Variants in VAMP4 observed in about 807,000 individuals in gnomAD.
VAMP4 encodes vesicle associated membrane protein 4.
A neutral mutation model predicts 23.5 loss-of-function variants in VAMP4; 19 were observed. The ratio of observed to expected loss-of-function variants is 0.81; its 90% CI spans 0.56 to 1.19. The LOEUF is 1.19. VAMP4 is among the 50% of genes most tolerant of loss of function. The pLI is 0.00. For missense variants in VAMP4, 145 were observed against 168.6 expected (o/e 0.86, Z 0.78); for synonymous variants, 31 against 51.0 (o/e 0.61, Z 1.67).
At chr1:171,706,511 A>C (rs1654657319) in intron 6 of VAMP4, 93 bp from the exon 7 acceptor site, 1 of 1,224,412 alleles carries the variant, frequency 8.2e-7, no homozygotes, top group Admixed American at 2.4e-5. Context: ...ATACTAAATC[A>C]TCTCATCACC....
At chr1:171,714,157 C>T (rs1180711210) in intron 4 of VAMP4, among the ~76,000 whole-genome samples, 1 of 152,076 alleles carries the variant, frequency 6.6e-6, no homozygotes, top group African/African-American at 2.4e-5. Flanking sequence ...AGGATGTTTC[C>T]CTACCCAGAA....
At chr1:171,738,284 T>C (rs1332803657) in intron 2 of VAMP4, 65 bp downstream of exon 2, 2 of 1,584,846 alleles carry the variant, frequency 1.3e-6, no homozygotes, top group Admixed American at 1.7e-5. Flanking sequence ...TCTTCTATTA[T>C]TCACAAAGGG....
intron 3 of VAMP4, among the ~76,000 whole-genome samples, chr1:171,721,934 C>A (rs6665590): frequency 0.16 from 24,744 of 152,004 alleles, 2,457 homozygotes; most frequent in African/African-American, 0.28. Context: ...CAAAAAAGAG[C>A]CCACATTGCC....
intron 4 of VAMP4, among the ~76,000 whole-genome samples, chr1:171,712,441 A>C (rs1378859504): frequency 6.6e-6 from 1 of 152,198 alleles, no homozygotes; most frequent in African/African-American, 2.4e-5. Context: ...TGGATTCAGA[A>C]GTACTCTCAG....
At chr1:171,741,552 G>A (rs1473932898) in intron 1 of VAMP4, among the ~76,000 whole-genome samples, 2 of 143,306 alleles carry the variant, frequency 1.4e-5, no homozygotes, top group African/African-American at 5.3e-5. Context: ...CGATATATCT[G>A]CTCCTAACGC....
chr1:171,722,616 A>C (rs1655231263), intron 3 of VAMP4, among the ~76,000 whole-genome samples: 1 of 152,222 alleles, frequency 6.6e-6, no homozygotes. Flanking sequence ...GACACTTCTC[A>C]AAAGAAGACA....
chr1:171,706,265 T>C, intron 7 of VAMP4, 102 bp downstream of exon 7: 1 of 1,100,340 alleles, frequency 9.1e-7, no homozygotes, highest in South Asian at 1.6e-5. Context: ...CATTATTCAA[T>C]CCTGACTTCA....
At chr1:171,735,185 A>G (rs1375666254) in intron 2 of VAMP4, among the ~76,000 whole-genome samples, 1 of 152,244 alleles carries the variant, frequency 6.6e-6, no homozygotes, top group Admixed American at 6.5e-5. Context: ...CATTAAGTGA[A>G]CAACAAATTT....
At chr1:171,738,709 G>T (rs573010341) in intron 1 of VAMP4, among the ~76,000 whole-genome samples, 101 of 152,324 alleles carry the variant, frequency 6.6e-4, no homozygotes, top group African/African-American at 2.2e-3. Context: ...GGATATGAGT[G>T]ATTTAAGATT....
intron 2 of VAMP4, among the ~76,000 whole-genome samples, chr1:171,732,566 C>T (rs981123186): frequency 6.6e-6 from 1 of 152,016 alleles, no homozygotes; most frequent in Non-Finnish European, 1.5e-5. Flanking sequence ...AAAAAACATC[C>T]TTCTCATTAA....
chr1:171,706,222 A>C, intron 7 of VAMP4, 145 bp downstream of exon 7: 3 of 603,870 alleles, frequency 5.0e-6, no homozygotes, highest in Non-Finnish European at 8.3e-6. Flanking sequence ...AGAGATCAAT[A>C]GATTCTAAGA....
chr1:171,735,125 AT>A (rs1476451505), intron 2 of VAMP4, among the ~76,000 whole-genome samples: 1 of 152,166 alleles, frequency 6.6e-6, no homozygotes, highest in Admixed American at 6.5e-5. Context: ...CCTGGACTTG[AT>A]TTTTAAAAAG....
chr1:171,710,818 GT>G lies in VAMP4; in HGVS notation c.165-5del, dbSNP rs1654825462. 1 of 1,575,486 alleles carries G rather than the reference GT, an allele frequency of 6.3e-7. No homozygotes were observed. The highest frequency in any genetic ancestry group is 8.6e-7 in the Non-Finnish European group (1 of 1,157,504). Reference sequence around the variant, plus strand: ...TTCATCCACTTGATTCTGAACACTAGTTTAAAAAAGATACACAATTATTTAT... The same window carrying G: ...TTCATCCACTTGATTCTGAACACTAGTTAAAAAAGATACACAATTATTTAT... On this transcript the variant is annotated splice_polypyrimidine_tract_variant and splice_region_variant and intron_variant, in intron 4 of 7. Coordinates refer to ENST00000236192, the MANE Select transcript of VAMP4 (RefSeq NM_003762.5).
intron 4 of VAMP4, among the ~76,000 whole-genome samples, chr1:171,717,489 C>G (rs1655057807): frequency 6.6e-6 from 1 of 152,128 alleles, no homozygotes; most frequent in Non-Finnish European, 1.5e-5. Context: ...AGTTTCTTAT[C>G]ACCTCCCAGG....
At position 171,741,914 on chromosome 1, in the gene VAMP4, G is replaced by GGCTCCCGGGGAACTCCCGGCAGC. The variant is rs146107044; in HGVS notation, c.-77_-55dup. ...CGAACAGGCCAGCGCCAGTACCTGA[G>GGCTCCCGGGGAACTCCCGGCAGC]GCTCCCGGGGAACTCCCGGCAGCTC... On this transcript the variant is annotated 5_prime_UTR_variant, in exon 1 of 8. An upstream open reading frame in the 5' UTR loses its in-frame stop. Coordinates refer to ENST00000236192, the MANE Select transcript of VAMP4 (RefSeq NM_003762.5). 0.17 allele frequency: 26,074 copies of GGCTCCCGGGGAACTCCCGGCAGC among 151,816 alleles called. 2,344 individuals carry two copies. The highest frequency in any genetic ancestry group is 0.25 in the Middle Eastern group (73 of 294). 9.4% of individuals were successfully genotyped at this position (151,816 alleles called of 1,614,324 possible). A position where few individuals can be genotyped will look rare whatever the true frequency, so the allele number is the denominator to read the frequency against.
Position 171,719,170 on chromosome 1 carries a change from C to T in VAMP4, c.164+1G>A. On this transcript the variant is annotated splice_donor_variant, in intron 4 of 7. Coordinates refer to ENST00000236192, the MANE Select transcript of VAMP4 (RefSeq NM_003762.5). LOFTEE classifies it high-confidence loss of function. ...CATTTAAACAAATGAACAAAACTTA[C>T]TGCTTAATTTTATCATTTCTAGGTC... The T allele has an allele frequency of 6.2e-7, 1 of 1,611,024 alleles. No homozygotes were observed. Among genetic ancestry groups the T allele is most frequent in the Non-Finnish European group, 8.5e-7 (1 of 1,178,582 alleles).
At chr1:171,731,048 C>CAA (rs11370834) in intron 2 of VAMP4, among the ~76,000 whole-genome samples, 11,303 of 146,690 alleles carry the variant, frequency 0.077, 466 homozygotes, top group East Asian at 0.23. Flanking sequence ...ACTAAAAATA[C>CAA]AAAAAAACAA....
At position 171,709,737 on chromosome 1, in the gene VAMP4, T is replaced by G; in HGVS notation, c.273A>C (p.Leu91Phe). 1 of 1,612,480 alleles carries G rather than the reference T, an allele frequency of 6.2e-7. No homozygotes were observed. Among genetic ancestry groups the G allele is most frequent in the Non-Finnish European group, 8.5e-7 (1 of 1,178,788 alleles). The change falls in exon 6 of 8, where the codon TTA (leucine) becomes TTC (phenylalanine). Residue 91 changes from leucine to phenylalanine, a missense_variant. Coordinates refer to ENST00000236192, the MANE Select transcript of VAMP4 (RefSeq NM_003762.5). ...TGCTAAAAGCTGTTGCATTATCCGA[T>G]AAGCTTTCTATATCACATAGAGGAT... Reference protein sequence around the residue: ...LDELQDKSESLSDNATAFSNR... With the variant: ...LDELQDKSESFSDNATAFSNR...
intron 3 of VAMP4, among the ~76,000 whole-genome samples, chr1:171,728,090 T>C (rs978615464): frequency 6.6e-5 from 10 of 152,314 alleles, no homozygotes; most frequent in Admixed American, 5.9e-4. Flanking sequence ...GGTCTGAAAA[T>C]ATTAAATGGA....
Sources: gnomAD v4.1 joint callset for allele counts (sites outside exome capture counted in the v4.1 genomes callset) on GRCh38, gnomAD v4.1.1 for gene constraint, MANE v1.5 for transcripts, NCBI Gene and HGNC (gene_info 2026-07-23, HGNC 2026-07-21) for gene names.